The following TSPAN19 variants were observed in gnomAD, a reference collection of about 807,000 sequenced individuals.
TSPAN19 encodes tetraspanin 19.
Under a neutral mutation model 35.1 loss-of-function variants are expected in TSPAN19, and 44 were observed. That is an observed-to-expected ratio of 1.25 (90% confidence interval 0.98 to 1.61). The LOEUF (loss-of-function observed/expected upper bound fraction) is 1.61, where lower values mean the gene tolerates loss of function less well. Ranked by LOEUF, TSPAN19 falls within the 40% of genes most tolerant of loss-of-function variation. The probability of loss-of-function intolerance (pLI) is 0.00; values close to 1 mark genes in which losing one functional copy is unlikely to be tolerated. For synonymous variants in TSPAN19, 79 were observed against 92.0 expected, an observed-to-expected ratio of 0.86 and a Z score of 0.81; for missense variants, 290 against 280.0, an observed-to-expected ratio of 1.04 and a Z score of -0.26.
In TSPAN19 at chr12:85,019,753, T is replaced by G; in HGVS notation, c.340-17A>C. On this transcript the variant is annotated splice_polypyrimidine_tract_variant and intron_variant, in intron 5 of 8. Transcript: ENST00000532498. ...TTGCTGAACCTGTAGAAAATTGTAT[T>G]AAAAATGAAAATTTCATAGGAATGT... is the stretch of plus-strand genomic sequence containing the variant. 2 of 1,480,568 alleles carry G rather than the reference T, an allele frequency of 1.4e-6. No individual in the cohort carries two copies. Among genetic ancestry groups the G allele is most frequent in the East Asian group, 4.6e-5 (2 of 43,318 alleles). The allele number at this position is 1,480,568 out of a possible 1,614,324, so 91.7% of individuals were successfully genotyped here.
Position 85,027,888 on chromosome 12 carries a change from G to T in TSPAN19, c.264+11C>A. 3 of 1,551,768 alleles carry T rather than the reference G, an allele frequency of 1.9e-6. No homozygotes were observed. In the South Asian group the frequency reaches 3.7e-5, roughly 19 times the overall value. ...AGACAAAAATTCAAACTATTGACAT[G>T]AAATACGTACCACAATTAGGAGCCA... On this transcript the variant is annotated intron_variant, in intron 4 of 8. Transcript: ENST00000532498.
intron 8 of TSPAN19, chr12:85,015,586 G>C: frequency 1.5e-5 from 2 of 135,224 alleles, no homozygotes; most frequent in Non-Finnish European, 3.1e-5. Flanking sequence ...ACACACACAC[G>C]TAAATATATC....
Position 85,017,618 on chromosome 12 carries a change from G to T in TSPAN19, c.451-19C>A. The T allele has an allele frequency of 1.3e-6, 2 of 1,515,098 alleles. No individual in the cohort carries two copies. The highest frequency in any genetic ancestry group is 1.3e-5 in the South Asian group (1 of 77,128). 93.9% of individuals were successfully genotyped at this position (1,515,098 alleles called of 1,614,324 possible). A position where few individuals can be genotyped will look rare whatever the true frequency, so the allele number is the denominator to read the frequency against. The stretch of plus-strand genomic sequence containing the variant: ...ACTGTAACTAGGAAAAAGCTTATAT[G>T]AATTTTACCATAAAATGTTCAAAAT... On this transcript the variant is annotated intron_variant, in intron 6 of 8. Transcript: ENST00000532498.
rs776451113 is a variant in TSPAN19 at position 85,019,640 on chromosome 12, C to T, written c.436G>A (p.Ala146Thr). ...EDITKWTILN[A>T]LQKTLQCCGQ... is the part of the protein sequence containing the mutation. Reference sequence around the variant, plus strand: ...TTTCATCTTACTGTTTTCTGTAAGGCATTCAGAATAGTCCACTTGGTTATA... The same window carrying T: ...TTTCATCTTACTGTTTTCTGTAAGGTATTCAGAATAGTCCACTTGGTTATA... Residue 146 changes from alanine (A) to threonine (T), a missense_variant, in exon 6 of 9, where the codon GCC (alanine) becomes ACC (threonine). By Grantham distance (58) the Ala-to-Thr change is moderately conservative. Transcript: ENST00000532498. 4 of 1,594,132 alleles carry T rather than the reference C, an allele frequency of 2.5e-6. No homozygotes were observed. The highest frequency in any genetic ancestry group is 1.1e-5 in the South Asian group (1 of 90,194).
At chr12:85,030,056 T>C in intron 1 of TSPAN19, 83 bp from the exon 2 acceptor site, 1 of 1,089,290 alleles carries the variant, frequency 9.2e-7, no homozygotes, top group East Asian at 2.9e-5. Context: ...TATTTGCACA[T>C]TTTTCTTCTC....
At chr12:85,017,433 T>C in intron 7 of TSPAN19, 23 bp downstream of exon 7, 1 of 1,590,638 alleles carries the variant, frequency 6.3e-7, no homozygotes, top group Non-Finnish European at 8.6e-7. Context: ...TAAATACTTG[T>C]AGAAGCCTAG....
At chr12:85,021,233 A>G (rs1877105874) in intron 5 of TSPAN19, among the ~76,000 whole-genome samples, 1 of 151,972 alleles carries the variant, frequency 6.6e-6, no homozygotes. Flanking sequence ...ACTTTTAAAT[A>G]TAATCATTTG....
intron 8 of TSPAN19, 68 bp downstream of exon 8, chr12:85,015,820 G>T (rs1876759839): frequency 2.6e-6 from 3 of 1,134,152 alleles, no homozygotes; most frequent in Non-Finnish European, 3.8e-6. Context: ...CCACCTGATT[G>T]CTCTGCAGTC....
At chr12:85,029,654 G>T in intron 3 of TSPAN19, 65 bp downstream of exon 3, 1 of 1,203,142 alleles carries the variant, frequency 8.3e-7, no homozygotes, top group South Asian at 1.5e-5. Context: ...TGAATAAATT[G>T]TGTATACAAC....
At chr12:85,020,650 T>C (rs533981093) in intron 5 of TSPAN19, among the ~76,000 whole-genome samples, 3 of 151,988 alleles carry the variant, frequency 2.0e-5, no homozygotes, top group Non-Finnish European at 2.9e-5. Flanking sequence ...CCTGAAGGTA[T>C]AGCATCAGAT....
At chr12:85,031,095 C>T (rs1276964212) in intron 1 of TSPAN19, among the ~76,000 whole-genome samples, 1 of 152,114 alleles carries the variant, frequency 6.6e-6, no homozygotes, top group African/African-American at 2.4e-5. Flanking sequence ...GTACTACCTT[C>T]CCTACTTTAT....
intron 4 of TSPAN19, among the ~76,000 whole-genome samples, chr12:85,026,243 GA>G (rs1877404992): frequency 6.6e-6 from 1 of 152,058 alleles, no homozygotes; most frequent in Non-Finnish European, 1.5e-5. Flanking sequence ...TTTGTGACAA[GA>G]AGAAAAAAAT....
rs1037291353 is a variant in TSPAN19 at position 85,014,331 on chromosome 12, T to A, written c.*156A>T. The A allele has an allele frequency of 1.6e-5, 8 of 512,962 alleles. No individual in the cohort carries two copies. Among genetic ancestry groups the A allele is most frequent in the African/African-American group, 6.1e-5 (3 of 48,830 alleles). The allele number at this position is 512,962 out of a possible 1,614,324, so 31.8% of individuals were successfully genotyped here. ...CAAAATTAATATAATTTCATGAATG[T>A]TTTATTATAGTATTCAGTAATTCAA... On this transcript the variant is annotated 3_prime_UTR_variant, in exon 9 of 9. Transcript: ENST00000532498.
intron 1 of TSPAN19, among the ~76,000 whole-genome samples, chr12:85,031,580 CA>C (rs1877685417): frequency 6.6e-6 from 1 of 152,074 alleles, no homozygotes; most frequent in African/African-American, 2.4e-5. Context: ...TCAAAGGACC[CA>C]AATATAGAAG....
intron 1 of TSPAN19, among the ~76,000 whole-genome samples, chr12:85,031,938 C>T (rs1052929836): frequency 6.6e-6 from 1 of 151,702 alleles, no homozygotes; most frequent in Non-Finnish European, 1.5e-5. Flanking sequence ...TCAGAAAAGG[C>T]CAATTACAGA....
chr12:85,020,634 A>G (rs1041759382), intron 5 of TSPAN19, among the ~76,000 whole-genome samples: 1 of 151,912 alleles, frequency 6.6e-6, no homozygotes, highest in Non-Finnish European at 1.5e-5. Context: ...TCTCTGACCC[A>G]TTTCCCCTGA....
rs529806026 is a variant in TSPAN19 at position 85,025,768 on chromosome 12, G to C, written c.264+2131C>G. ...TCTTGATCTCTTGACCTCGTGATCT[G>C]CCTGCCTTGGCCTCCCAAAGTGCTG... On this transcript the variant is annotated intron_variant, in intron 4 of 8. Transcript: ENST00000532498. Among the ~76,000 whole-genome samples, 14 of 150,590 alleles carry C rather than the reference G, an allele frequency of 9.3e-5. 1 individual carries two copies. Among genetic ancestry groups the C allele is most frequent in the Middle Eastern group, 3.4e-3 (1 of 290 alleles).
chr12:85,022,212 C>CACACAA (rs1411203738), intron 5 of TSPAN19, among the ~76,000 whole-genome samples: 1 of 151,980 alleles, frequency 6.6e-6, no homozygotes, highest in Admixed American at 6.6e-5. Flanking sequence ...AACTCACACA[C>CACACAA]ACACAAACAC....
At chr12:85,034,342 T>C (rs1877815019) in intron 1 of TSPAN19, among the ~76,000 whole-genome samples, 1 of 152,180 alleles carries the variant, frequency 6.6e-6, no homozygotes, top group Non-Finnish European at 1.5e-5. Flanking sequence ...TAAACTAAAA[T>C]GATTTCACTA....
Sources: gnomAD v4.1 joint callset for allele counts (sites outside exome capture counted in the v4.1 genomes callset) on GRCh38, gnomAD v4.1.1 for gene constraint, MANE v1.5 for transcripts, NCBI Gene and HGNC (gene_info 2026-07-23, HGNC 2026-07-21) for gene names.